Variants in MIGA2 observed in about 807,000 individuals in gnomAD.
MIGA2 encodes the protein mitoguardin 2.
Under a neutral mutation model 69.9 loss-of-function variants are expected in MIGA2, and 36 were observed. That is an observed-to-expected ratio of 0.52 (90% CI 0.39 to 0.68). The LOEUF is 0.68. Among genes scored for constraint, MIGA2 ranks in the 30% least tolerant of loss-of-function variants. The pLI is 0.00. For synonymous variants in MIGA2, 333 were observed against 349.2 expected (o/e 0.95, Z 0.52); for missense variants, 660 against 787.7 (o/e 0.84, Z 1.94).
At chr9:129,066,410 C>T (rs1033384415) in intron 11 of MIGA2, among the ~76,000 whole-genome samples, 2 of 152,202 alleles carry the variant, frequency 1.3e-5, no homozygotes, top group South Asian at 2.1e-4. Context: ...CGCAGTGGCT[C>T]ACGCCTGTAA....
rs772179987 is a variant in MIGA2 at position 129,060,566 on chromosome 9, G to T, written c.810G>T (p.Leu270=). 6.2e-7 allele frequency: 1 copy of T among 1,600,692 alleles called. No individual in the cohort carries two copies. Among genetic ancestry groups the T allele is most frequent in the South Asian group, 1.1e-5 (1 of 88,732 alleles). ...MLLDLERTLM[L]PLTEGSLRLR... is the part of the protein sequence containing the mutation. ...TCTTCCCAGAGAGGACCCTCATGCT[G>T]CCCCTGACCGAGGGCTCGCTGCGGC... Residue 270 remains leucine, a synonymous_variant, in exon 8 of 16, where the codon CTG becomes CTT. Transcript: ENST00000684074. The surrounding 1 kb of genome is among the most constrained non-coding windows in gnomAD (Gnocchi z 4.8).
intron 1 of MIGA2, among the ~76,000 whole-genome samples, chr9:129,039,567 A>T (rs1391282845): frequency 7.0e-6 from 1 of 141,894 alleles, no homozygotes; most frequent in African/African-American, 2.6e-5. Context: ...TATTATTATT[A>T]TTATTTTTTG....
intron 11 of MIGA2, among the ~76,000 whole-genome samples, chr9:129,064,818 C>T (rs114047849): frequency 0.032 from 4,852 of 151,230 alleles, 184 homozygotes; most frequent in South Asian, 0.097. Flanking sequence ...GTTTCACTCC[C>T]GCCACCCAGT....
At chr9:129,037,068 A>G (rs1198639386) in intron 1 of MIGA2, 1 of 1,001,322 alleles carries the variant, frequency 1.0e-6, no homozygotes, top group Non-Finnish European at 1.2e-6. Flanking sequence ...GGGGCTGCCC[A>G]AGATGCCTGG....
chr9:129,044,435 G>A (rs528149653), intron 3 of MIGA2, among the ~76,000 whole-genome samples: 1 of 152,188 alleles, frequency 6.6e-6, no homozygotes, highest in African/African-American at 2.4e-5. Flanking sequence ...CTATTTTGTG[G>A]CTGCTGCTGT....
chr9:129,067,965 C>A (rs779226930), intron 12 of MIGA2, 94 bp downstream of exon 12: 5 of 1,403,750 alleles, frequency 3.6e-6, no homozygotes, highest in Non-Finnish European at 4.9e-6. Flanking sequence ...CAGTTCCAAG[C>A]GGCTGAGACG....
chr9:129,053,406 C>A (rs7853838), intron 6 of MIGA2, among the ~76,000 whole-genome samples: 2 of 151,642 alleles, frequency 1.3e-5, no homozygotes, highest in Admixed American at 6.6e-5. Context: ...TTTTGTTGCC[C>A]AGGCTGGAGT....
intron 11 of MIGA2, among the ~76,000 whole-genome samples, chr9:129,065,918 C>T (rs536059505): frequency 6.6e-6 from 1 of 152,316 alleles, no homozygotes; most frequent in South Asian, 2.1e-4. Flanking sequence ...CTGCCTTGTC[C>T]TTCCTCCCCC....
rs1845430914 is a variant in MIGA2, at chr9:129,049,933, C to T, written c.645C>T (p.Asn215=). ...CCATGCCCAGGGACGGCCTCCGGAA[C>T]CCAGAGACTGCATCAGAGCCACTGT... ...STPMPRDGLR[N]PETASEPLSE... is the part of the protein sequence containing the mutation. Residue 215 remains asparagine, a synonymous_variant, in exon 6 of 16, where the codon AAC becomes AAT. Transcript: ENST00000684074. The T allele has an allele frequency of 6.2e-7, 1 of 1,613,480 alleles. No individual in the cohort carries two copies. The highest frequency in any genetic ancestry group is 8.5e-7 in the Non-Finnish European group (1 of 1,179,948).
At chr9:129,067,713 G>T in intron 11 of MIGA2, 60 bp from the exon 12 acceptor site, 1 of 1,510,458 alleles carries the variant, frequency 6.6e-7, no homozygotes, top group South Asian at 1.2e-5. Context: ...CCATCCACAG[G>T]CCAGCCTGTC....
At chr9:129,053,613 C>T (rs879568299) in intron 6 of MIGA2, among the ~76,000 whole-genome samples, 17 of 152,066 alleles carry the variant, frequency 1.1e-4, no homozygotes, top group Non-Finnish European at 1.6e-4. Flanking sequence ...GTGATCCGCC[C>T]GCCTCGGCCT....
At chr9:129,051,097 C>T (rs1367892449) in intron 6 of MIGA2, among the ~76,000 whole-genome samples, 1 of 151,802 alleles carries the variant, frequency 6.6e-6, no homozygotes, top group African/African-American at 2.4e-5. Flanking sequence ...TGGTCTCGAA[C>T]TCCTGACCTC....
intron 1 of MIGA2, chr9:129,036,932 G>A: frequency 2.0e-6 from 2 of 1,002,834 alleles, no homozygotes; most frequent in Non-Finnish European, 2.4e-6. Flanking sequence ...GAGCAGGCGC[G>A]CAGGTACCCG....
At chr9:129,062,741 G>A (rs988050102) in intron 9 of MIGA2, among the ~76,000 whole-genome samples, 6 of 152,062 alleles carry the variant, frequency 3.9e-5, no homozygotes, top group African/African-American at 1.4e-4. Flanking sequence ...CTACTTGGGA[G>A]GCTGAGGCAG....
In MIGA2 at chr9:129,061,207, C is replaced by G. The variant is rs1478193398; in HGVS notation, c.895-24C>G. The G allele has an allele frequency of 6.3e-7, 1 of 1,594,236 alleles. No homozygotes were observed. The highest frequency in any genetic ancestry group is 1.7e-5 in the Admixed American group (1 of 58,572). On this transcript the variant is annotated intron_variant, in intron 8 of 15. Transcript: ENST00000684074. The surrounding 1 kb of genome is among the most constrained non-coding windows in gnomAD (Gnocchi z 5.0). Reference sequence around the variant, plus strand: ...TGCTGCTCACATGGGCTTCCCTGGTCTCTTCCTCTGCACCCTCTCCCAGCT... The same window carrying G: ...TGCTGCTCACATGGGCTTCCCTGGTGTCTTCCTCTGCACCCTCTCCCAGCT...
chr9:129,036,967 G>T (rs1007858168), intron 1 of MIGA2: 71 of 1,003,164 alleles, frequency 7.1e-5, no homozygotes, highest in South Asian at 3.7e-4. Context: ...GAGCACCCGG[G>T]ATGGAAGGAG....
Position 129,042,312 on chromosome 9 carries a change from C to T in MIGA2, c.105C>T (p.Phe35=). The stretch of plus-strand genomic sequence containing the variant: ...TCTCCTCTTCCCTGCAGTCTGCATT[C>T]TCCCAGCTACGGTTGACGCCAGGCC... The part of the protein sequence containing the change: ...FLYTTFGQSA[F]SQLRLTPGLR... Residue 35 remains phenylalanine (F), a synonymous_variant, in exon 3 of 16, where the codon TTC becomes TTT. Transcript: ENST00000684074. 1 of 1,612,238 alleles carries T rather than the reference C, an allele frequency of 6.2e-7. No individual in the cohort carries two copies. The highest frequency in any genetic ancestry group is 8.5e-7 in the Non-Finnish European group (1 of 1,179,916).
rs116642646 is a variant in MIGA2 at position 129,059,898 on chromosome 9, G to A, written c.793+627G>A. Among the ~76,000 whole-genome samples the A allele has an allele frequency of 7.2e-4, 109 of 152,224 alleles. No individual in the cohort carries two copies. The highest frequency in any genetic ancestry group is 2.2e-3 in the African/African-American group (93 of 41,554). On this transcript the variant is annotated intron_variant, in intron 7 of 15. Coordinates refer to ENST00000684074, the MANE Select transcript of MIGA2 (RefSeq NM_001329990.2). The surrounding 1 kb of genome is among the most constrained non-coding windows in gnomAD (Gnocchi z 5.6). ...AACCGGAGTGGGTCGGCCGAGCCAC[G>A]CACCCTGCCCTGGCTTCTCCCCACG...
chr9:129,053,370 T>G (rs1450015183), intron 6 of MIGA2, among the ~76,000 whole-genome samples: 1 of 152,138 alleles, frequency 6.6e-6, no homozygotes, highest in African/African-American at 2.4e-5. Context: ...GCTATAATTT[T>G]TTTTTTTTTT....
Sources: allele counts gnomAD v4.1 joint callset (sites outside exome capture counted in the v4.1 genomes callset), GRCh38; gene constraint gnomAD v4.1.1; non-coding constraint Gnocchi (gnomAD v3.1); transcripts MANE v1.5; gene names NCBI Gene and HGNC (gene_info 2026-07-23, HGNC 2026-07-21).